The following PDE4A variants were observed in gnomAD, a reference collection of about 807,000 sequenced individuals.
The protein encoded by PDE4A is 3',5'-cyclic-AMP phosphodiesterase 4A.
In PDE4A, 21 loss-of-function variants were observed where a neutral mutation model predicts 73.9. The ratio of observed to expected loss-of-function variants is 0.28; its 90% CI spans 0.20 to 0.41. The LOEUF (loss-of-function observed/expected upper bound fraction) is 0.41, where lower values mean the gene tolerates loss of function less well. Among genes scored for constraint, PDE4A ranks in the 10% least tolerant of loss-of-function variants. The pLI, the probability that PDE4A is intolerant of heterozygous loss-of-function variation, is 1.00. For missense variants in PDE4A, 958 were observed against 1,211.4 expected, an observed-to-expected ratio of 0.79 and a Z score of 3.10; for synonymous variants, 463 against 505.4, an observed-to-expected ratio of 0.92 and a Z score of 1.13.
intron 13 of PDE4A, among the ~76,000 whole-genome samples, chr19:10,462,522 A>G (rs1568384710): frequency 6.6e-6 from 1 of 151,466 alleles, no homozygotes; most frequent in Non-Finnish European, 1.5e-5. Context: ...GGGTCTCACT[A>G]TGTCACCCAG....
At chr19:10,425,394 C>T (rs1022683853) in intron 1 of PDE4A, among the ~76,000 whole-genome samples, 7 of 152,134 alleles carry the variant, frequency 4.6e-5, no homozygotes, top group African/African-American at 1.4e-4. Flanking sequence ...AAGAACTGTC[C>T]ACCCCCAGGG....
At chr19:10,432,205 A>T (rs947786674) in intron 1 of PDE4A, among the ~76,000 whole-genome samples, 1 of 109,886 alleles carries the variant, frequency 9.1e-6, no homozygotes, top group African/African-American at 3.4e-5. Context: ...TGTGCGTCCG[A>T]CTCCGCAGGA....
intron 12 of PDE4A, 94 bp from the exon 13 acceptor site, chr19:10,461,783 G>T: frequency 1.3e-6 from 2 of 1,581,038 alleles, no homozygotes. Flanking sequence ...AACCTGGACA[G>T]AGCGGGCGGC....
intron 6 of PDE4A, among the ~76,000 whole-genome samples, chr19:10,452,152 G>A (rs2043100942): frequency 6.6e-6 from 1 of 151,942 alleles, no homozygotes; most frequent in Non-Finnish European, 1.5e-5. Context: ...GTTGGAAAGT[G>A]TGTCTGTGGG....
chr19:10,446,097 C>A, intron 1 of PDE4A, 121 bp from the exon 2 acceptor site: 1 of 1,433,276 alleles, frequency 7.0e-7, no homozygotes, highest in South Asian at 1.5e-5. Context: ...ACTTGGCCTC[C>A]CAAAGTGCTG....
chr19:10,451,081 C>CCACACCCAG, intron 6 of PDE4A, 140 bp downstream of exon 6: 1 of 848,792 alleles, frequency 1.2e-6, no homozygotes, highest in Non-Finnish European at 1.9e-6. Flanking sequence ...GCGGAGATAG[C>CCACACCCAG]TACTGGGTGT....
chr19:10,467,006 C>T lies in PDE4A; in HGVS notation c.2046C>T (p.Ala682=). 1 of 1,614,182 alleles carries T rather than the reference C, an allele frequency of 6.2e-7. No homozygotes were observed. The highest frequency in any genetic ancestry group is 1.1e-5 in the South Asian group (1 of 91,088). ...LEDNRDWYYS[A]IRQSPSPPPE... is the part of the protein sequence containing the mutation. ...ACAACCGGGACTGGTACTACAGCGCCATCCGGCAGAGCCCATCTCCGCCAC... is the reference window on the plus strand; with the variant it reads ...ACAACCGGGACTGGTACTACAGCGCTATCCGGCAGAGCCCATCTCCGCCAC... The change falls in exon 15 of 15, where the codon GCC becomes GCT. Residue 682 remains alanine, a synonymous_variant. Transcript: ENST00000380702.
chr19:10,431,031 C>T, intron 1 of PDE4A: 2 of 1,578,214 alleles, frequency 1.3e-6, no homozygotes, highest in Non-Finnish European at 1.7e-6. Flanking sequence ...CCGCAGACGC[C>T]TTCGGCTTCT....
chr19:10,439,982 C>CTTTTTTTT (rs1162121051), intron 1 of PDE4A, among the ~76,000 whole-genome samples: 3 of 114,042 alleles, frequency 2.6e-5, no homozygotes, highest in Non-Finnish European at 5.1e-5. Flanking sequence ...ATGGTATCTC[C>CTTTTTTTT]TTTTTTTTTT....
chr19:10,450,585 A>ATTTTTTT lies in PDE4A; in HGVS notation c.621-13_621-7dup. On this transcript the variant is annotated splice_polypyrimidine_tract_variant and intron_variant, in intron 4 of 14. Coordinates refer to ENST00000380702, the MANE Select transcript of PDE4A (RefSeq NM_001111307.2). The stretch of plus-strand genomic sequence containing the variant: ...GGACCCAGGCTGACATTGCAGCCCC[A>ATTTTTTT]TTTTTTTTTTTCTGCAGGCGGTCCC... 1.5e-6 allele frequency: 2 copies of ATTTTTTT among 1,375,790 alleles called. No homozygotes were observed. The highest frequency in any genetic ancestry group is 2.0e-5 in the Admixed American group (1 of 48,898). The allele number at this position is 1,375,790 out of a possible 1,614,324, so 85.2% of individuals were successfully genotyped here.
chr19:10,426,065 C>T (rs552065943), intron 1 of PDE4A, among the ~76,000 whole-genome samples: 62 of 148,102 alleles, frequency 4.2e-4, no homozygotes, highest in Non-Finnish European at 8.3e-4. Context: ...TTTGGCCAGG[C>T]GAGGTGGCTC....
intron 1 of PDE4A, among the ~76,000 whole-genome samples, chr19:10,439,126 G>A (rs2042903080): frequency 6.6e-6 from 1 of 152,078 alleles, no homozygotes. Flanking sequence ...CTAGGAGTGG[G>A]ATTGCGCGGT....
chr19:10,463,691 G>T (rs570515041), intron 13 of PDE4A, 102 bp from the exon 14 acceptor site: 274 of 1,554,386 alleles, frequency 1.8e-4, no homozygotes, highest in Non-Finnish European at 2.3e-4. Flanking sequence ...GTGAGCCACA[G>T]TGCCTGGCCC....
In PDE4A at chr19:10,420,991, G is replaced by A. The variant is rs909036275; in HGVS notation, c.227G>A (p.Arg76Gln). 1 of 1,529,550 alleles carries A rather than the reference G, an allele frequency of 6.5e-7. No homozygotes were observed. Among genetic ancestry groups the A allele is most frequent in the Admixed American group, 2.0e-5 (1 of 50,396 alleles). The allele number at this position is 1,529,550 out of a possible 1,614,324, so 94.7% of individuals were successfully genotyped here. Residue 76 changes from arginine (R) to glutamine (Q), a missense_variant, in exon 1 of 15, where the codon CGG becomes CAG. Arg to Gln is a conservative substitution (Grantham distance 43). This residue lies in a region of PDE4A where 145 missense variants were observed against 137.8 expected (regional missense o/e 1.05). Coordinates refer to ENST00000380702, the MANE Select transcript of PDE4A (RefSeq NM_001111307.2). This position sits in a 1 kb window ranked among gnomAD's most constrained non-coding sequence, Gnocchi z 6.0. ...GCCGATGCCATGGACACCAGCGACC[G>A]GCCCGGCCTGCGCACGACCCGCATG... ...ERADAMDTSD[R>Q]PGLRTTRMSW...
At chr19:10,426,628 T>C (rs2042721705) in intron 1 of PDE4A, among the ~76,000 whole-genome samples, 1 of 151,996 alleles carries the variant, frequency 6.6e-6, no homozygotes, top group Admixed American at 6.6e-5. Context: ...CCCAGCACTT[T>C]GGGAGGCCAA....
intron 2 of PDE4A, among the ~76,000 whole-genome samples, chr19:10,447,337 T>C (rs1173876432): frequency 6.9e-6 from 1 of 145,662 alleles, no homozygotes; most frequent in Non-Finnish European, 1.5e-5. Flanking sequence ...GCCATTCTCC[T>C]GCCTCAGCCT....
intron 1 of PDE4A, among the ~76,000 whole-genome samples, chr19:10,435,501 C>T (rs2042852903): frequency 6.6e-6 from 1 of 151,726 alleles, no homozygotes; most frequent in African/African-American, 2.4e-5. Flanking sequence ...GCTGAGGCTG[C>T]AGTGAACCAT....
At position 10,469,327 on chromosome 19, in the gene PDE4A, C is replaced by G. The variant is rs1246369628; in HGVS notation, c.*1706C>G. 1 of 152,228 alleles carries G rather than the reference C, an allele frequency of 6.6e-6. No individual in the cohort carries two copies. Among genetic ancestry groups the G allele is most frequent in the African/African-American group, 2.4e-5 (1 of 41,412 alleles). The allele number at this position is 152,228 out of a possible 1,614,324, so 9.4% of individuals were successfully genotyped here. On this transcript the variant is annotated 3_prime_UTR_variant, in exon 15 of 15. Transcript: ENST00000380702. ...GTCTCCCGTTGGGAGAGTCTCTGTT[C>G]CTGCTGTATTATACAAACTGTACCA...
intron 1 of PDE4A, among the ~76,000 whole-genome samples, chr19:10,445,643 CTG>C (rs1375311042): frequency 5.3e-5 from 8 of 151,690 alleles, no homozygotes; most frequent in Admixed American, 1.3e-4. Flanking sequence ...TGGTGCATGT[CTG>C]TAATCCCAGC....
Sources: gnomAD v4.1 joint callset for allele counts (sites outside exome capture counted in the v4.1 genomes callset) on GRCh38, gnomAD v4.1.1 for gene constraint, gnomAD v4.1.1 regional missense constraint, Gnocchi (gnomAD v3.1) non-coding constraint, MANE v1.5 for transcripts, NCBI Gene and HGNC (gene_info 2026-07-23, HGNC 2026-07-21) for gene names.